KCNIP4: variants seen among roughly 807,000 people sequenced by gnomAD.
KCNIP4 encodes the protein potassium voltage-gated channel interacting protein 4, also known as Kv channel-interacting protein 4.
In KCNIP4, 12 loss-of-function variants were observed where a neutral mutation model predicts 34.0. The ratio of observed to expected loss-of-function variants is 0.35; its 90% CI spans 0.23 to 0.57. The LOEUF is 0.57. KCNIP4 is among the 20% of genes least tolerant of loss of function. The probability of loss-of-function intolerance (pLI) is 0.83; values close to 1 mark genes in which losing one functional copy is unlikely to be tolerated. For synonymous variants in KCNIP4, 124 were observed against 102.2 expected (o/e 1.21, Z -1.29); for missense variants, 238 against 311.7 (o/e 0.76, Z 1.78).
rs1169846838 is a variant in KCNIP4 at position 21,513,120 on chromosome 4, T to C, written c.61+435451A>G. The stretch of plus-strand genomic sequence containing the variant: ...GTTCCAGGCAGAGAAACACTAGTCA[T>C]TTGTGGAGAAACAAAAATGACTAAC... On this transcript the variant is annotated intron_variant, in intron 1 of 8. Coordinates refer to ENST00000382152, the MANE Select transcript of KCNIP4 (RefSeq NM_025221.6). 5.3e-5 allele frequency among the ~76,000 whole-genome samples: 8 copies of C among 152,192 alleles called. 1 individual carries two copies. The highest frequency in any genetic ancestry group is 1.0e-4 in the Non-Finnish European group (7 of 68,038).
intron 1 of KCNIP4, among the ~76,000 whole-genome samples, chr4:21,471,709 C>T (rs1730482900): frequency 6.6e-6 from 1 of 152,086 alleles, no homozygotes; most frequent in Non-Finnish European, 1.5e-5. Flanking sequence ...ACAGATATTC[C>T]CATTTCACAG....
At chr4:21,663,970 A>G (rs559697299) in intron 1 of KCNIP4, among the ~76,000 whole-genome samples, 1 of 152,018 alleles carries the variant, frequency 6.6e-6, no homozygotes, top group Non-Finnish European at 1.5e-5. Context: ...TTTGAGACAG[A>G]GTCTTGCTGT....
intron 1 of KCNIP4, among the ~76,000 whole-genome samples, chr4:21,094,407 A>G (rs1369882463): frequency 6.6e-6 from 1 of 152,226 alleles, no homozygotes; most frequent in Non-Finnish European, 1.5e-5. Context: ...ACAGAAATTG[A>G]TAAGGAGAAG....
chr4:21,850,869 G>T (rs555969879), intron 1 of KCNIP4: 1 of 151,980 alleles, frequency 6.6e-6, no homozygotes, highest in Non-Finnish European at 1.5e-5. Context: ...CTCATTAACC[G>T]TGCACTCAAC....
intron 1 of KCNIP4, among the ~76,000 whole-genome samples, chr4:21,081,804 TGA>T (rs1746027934): frequency 2.6e-5 from 4 of 151,922 alleles, no homozygotes; most frequent in Admixed American, 2.6e-4. Context: ...CACTGAATTC[TGA>T]GAGAGTAATT....
At chr4:21,781,762 T>A (rs4362808) in intron 1 of KCNIP4, among the ~76,000 whole-genome samples, 97,430 of 151,924 alleles carry the variant, frequency 0.64, 32,366 homozygotes, top group Non-Finnish European at 0.73. Flanking sequence ...TTATTCTTAG[T>A]ATATATACAT....
At chr4:21,524,390 C>T (rs964957752) in intron 1 of KCNIP4, among the ~76,000 whole-genome samples, 2 of 152,116 alleles carry the variant, frequency 1.3e-5, no homozygotes, top group African/African-American at 4.8e-5. Flanking sequence ...CTAGACATTC[C>T]CAAAAATGTT....
intron 1 of KCNIP4, among the ~76,000 whole-genome samples, chr4:21,888,758 C>T (rs779405312): frequency 3.3e-5 from 5 of 152,094 alleles, no homozygotes; most frequent in Non-Finnish European, 7.4e-5. Context: ...CAGCTACTGT[C>T]TTCATGACTC....
intron 1 of KCNIP4, among the ~76,000 whole-genome samples, chr4:21,891,066 TC>T: frequency 6.6e-6 from 1 of 152,092 alleles, no homozygotes; most frequent in Admixed American, 6.6e-5. Context: ...TGGCCTGTGT[TC>T]CAAGGGACGG....
chr4:21,392,366 C>A lies in KCNIP4; in HGVS notation c.62-509657G>T, dbSNP rs115524327. Among the ~76,000 whole-genome samples, 579 of 152,284 alleles carry A rather than the reference C, an allele frequency of 3.8e-3. 5 individuals are homozygous for A. Among genetic ancestry groups the A allele is most frequent in the African/African-American group, 0.013 (552 of 41,564 alleles). ...TAGTACCAACAAGCATTTTAATCAACCTTGATAGCATTAGCTCCAATTACC... is the reference window on the plus strand; with the variant it reads ...TAGTACCAACAAGCATTTTAATCAAACTTGATAGCATTAGCTCCAATTACC... On this transcript the variant is annotated intron_variant, in intron 1 of 8. Transcript: ENST00000382152.
At chr4:20,830,795 G>A (rs565908317) in intron 3 of KCNIP4, among the ~76,000 whole-genome samples, 11 of 152,240 alleles carry the variant, frequency 7.2e-5, no homozygotes, top group South Asian at 2.1e-4. Flanking sequence ...TTACATCTTC[G>A]GCAGAAACTC....
chr4:20,731,580 C>T (rs1560402752), intron 8 of KCNIP4: 1 of 985,352 alleles, frequency 1.0e-6, no homozygotes, highest in African/African-American at 1.7e-5. Context: ...TGACTTTTCT[C>T]TTAGAAATCA....
intron 1 of KCNIP4, among the ~76,000 whole-genome samples, chr4:21,473,832 G>A (rs1730672786): frequency 6.6e-6 from 1 of 151,692 alleles, no homozygotes; most frequent in African/African-American, 2.4e-5. Context: ...TCCTGCCTCA[G>A]CCTCCCCAAG....
chr4:21,611,207 C>T (rs1162987963), intron 1 of KCNIP4, among the ~76,000 whole-genome samples: 1 of 152,096 alleles, frequency 6.6e-6, no homozygotes, highest in Non-Finnish European at 1.5e-5. Context: ...TTTTCTTTAT[C>T]CAGTCTACCA....
intron 1 of KCNIP4, among the ~76,000 whole-genome samples, chr4:21,907,552 T>C (rs1728072845): frequency 1.3e-5 from 2 of 152,188 alleles, no homozygotes; most frequent in South Asian, 4.1e-4. Flanking sequence ...TGCACAATTG[T>C]AAAAATAACT....
intron 1 of KCNIP4, among the ~76,000 whole-genome samples, chr4:21,919,522 C>A (rs891963818): frequency 6.6e-6 from 1 of 152,146 alleles, no homozygotes; most frequent in Non-Finnish European, 1.5e-5. Flanking sequence ...TAGTAGCCTA[C>A]CCAATGGCCA....
At chr4:21,614,789 T>A (rs1007224548) in intron 1 of KCNIP4, among the ~76,000 whole-genome samples, 1 of 152,076 alleles carries the variant, frequency 6.6e-6, no homozygotes, top group Non-Finnish European at 1.5e-5. Flanking sequence ...AGCTGACAAG[T>A]CAGGAATCCG....
At chr4:21,617,679 G>A (rs975557802) in intron 1 of KCNIP4, among the ~76,000 whole-genome samples, 1 of 152,126 alleles carries the variant, frequency 6.6e-6, no homozygotes, top group Non-Finnish European at 1.5e-5. Flanking sequence ...TTTCAATCAA[G>A]AGAAAAGCTT....
chr4:20,978,789 G>A lies in KCNIP4; in HGVS notation c.62-96080C>T, dbSNP rs183730277. On this transcript the variant is annotated intron_variant, in intron 1 of 8. Transcript: ENST00000382152. ...CCATGATGTATTATATTTTTTATTT[G>A]TTAGTATTCTTTTTCTTCTTATGCA... Among the ~76,000 whole-genome samples the A allele has an allele frequency of 5.9e-5, 9 of 152,102 alleles. No individual in the cohort carries two copies. The East Asian group carries it at 1.7e-3, about 29-fold the overall frequency.
Sources: allele counts gnomAD v4.1 joint callset (sites outside exome capture counted in the v4.1 genomes callset), GRCh38; gene constraint gnomAD v4.1.1; transcripts MANE v1.5; gene names NCBI Gene and HGNC (gene_info 2026-07-23, HGNC 2026-07-21).